The following SCARA3 variants were observed in gnomAD, a reference collection of about 807,000 sequenced individuals.
SCARA3 encodes scavenger receptor class A member 3, also known as cellular stress response gene protein.
SCARA3 carries 39 observed loss-of-function variants against 47.0 expected under a neutral mutation model. That is an observed-to-expected ratio of 0.83 (90% confidence interval 0.64 to 1.08). The LOEUF is 1.08. SCARA3 is among the 50% of genes least tolerant of loss of function. The pLI, the probability that SCARA3 is intolerant of heterozygous loss-of-function variation, is 0.00. For synonymous variants in SCARA3, 356 were observed against 334.1 expected, an observed-to-expected ratio of 1.07 and a Z score of -0.71; for missense variants, 724 against 792.3, an observed-to-expected ratio of 0.91 and a Z score of 1.04.
chr8:27,717,290 A>G, the SCARA3 span, among the ~76,000 whole-genome samples: 1 of 152,196 alleles, frequency 6.6e-6, no homozygotes, highest in African/African-American at 2.4e-5. Flanking sequence ...AGATGTGGGT[A>G]TAGCTATAGA....
chr8:27,696,608 C>T, the SCARA3 span, among the ~76,000 whole-genome samples: 1 of 130,214 alleles, frequency 7.7e-6, no homozygotes, highest in Non-Finnish European at 1.6e-5. Context: ...TACCAACACA[C>T]CTGGCTAATT....
At chr8:27,664,183 G>A (rs140346691) in intron 5 of SCARA3, among the ~76,000 whole-genome samples, 3 of 152,260 alleles carry the variant, frequency 2.0e-5, no homozygotes, top group African/African-American at 4.8e-5. Context: ...CCTAAAATAC[G>A]TATGTGCACG....
chr8:27,711,787 A>G, the SCARA3 span, among the ~76,000 whole-genome samples: 1 of 152,120 alleles, frequency 6.6e-6, no homozygotes, highest in Admixed American at 6.5e-5. Context: ...TCACAGCAAA[A>G]TTTAGAGGAA....
At chr8:27,640,257 C>T (rs560576883) in intron 1 of SCARA3, among the ~76,000 whole-genome samples, 18 of 152,162 alleles carry the variant, frequency 1.2e-4, no homozygotes, top group East Asian at 1.9e-4. Context: ...CATTCACTCA[C>T]GTGAACTCCT....
downstream of SCARA3, among the ~76,000 whole-genome samples, chr8:27,677,252 T>C (rs1802292161): frequency 6.6e-6 from 1 of 152,020 alleles, no homozygotes; most frequent in South Asian, 2.1e-4. Flanking sequence ...CACAGAGAAG[T>C]GGAGCCCAAA....
chr8:27,649,929 C>T (rs1563404668), intron 2 of SCARA3, 129 bp downstream of exon 2: 1 of 735,328 alleles, frequency 1.4e-6, no homozygotes, highest in African/African-American at 1.8e-5. Context: ...CCCACTGCTT[C>T]CTGGATGGTG....
rs1262448276 is a variant in SCARA3 at position 27,671,574 on chromosome 8, ACACATGCACACATACACG to A, written c.*241_*258del. ...TGCACATGCACACACATGCATGCAC[ACACATGCACACATACACG>A]CACATGCACACATACACATGCATGC... On this transcript the variant is annotated 3_prime_UTR_variant, in exon 6 of 6. Coordinates refer to ENST00000301904, the MANE Select transcript of SCARA3 (RefSeq NM_016240.3). 136 of 1,261,008 alleles carry A rather than the reference ACACATGCACACATACACG, an allele frequency of 1.1e-4. 1 individual carries two copies. The highest frequency in any genetic ancestry group is 1.2e-4 in the Non-Finnish European group (121 of 1,005,604). 78.1% of individuals were successfully genotyped at this position (1,261,008 alleles called of 1,614,324 possible). A position where few individuals can be genotyped will look rare whatever the true frequency, so the allele number is the denominator to read the frequency against.
At chr8:27,685,956 A>G in the SCARA3 span, among the ~76,000 whole-genome samples, 3 of 152,224 alleles carry the variant, frequency 2.0e-5, no homozygotes, top group Non-Finnish European at 4.4e-5. Context: ...AGGATGTTAA[A>G]GATTAAAAGA....
rs141129152 is a variant in SCARA3 at position 27,658,876 on chromosome 8, G to A, written c.706G>A (p.Gly236Arg). The change falls in exon 5 of 6, where the codon GGG becomes AGG. Residue 236 changes from glycine to arginine, a missense_variant. Coordinates refer to ENST00000301904, the MANE Select transcript of SCARA3 (RefSeq NM_016240.3). The part of the protein sequence containing the change: ...TVGQTSEWIH[G>R]IQRKTDEETL... ...GGGGCAGACTTCCGAGTGGATCCAC[G>A]GGATCCAGCGGAAGACAGACGAGGA... The A allele has an allele frequency of 2.8e-5, 45 of 1,614,006 alleles. No homozygotes were observed. The highest frequency in any genetic ancestry group is 3.2e-5 in the Non-Finnish European group (38 of 1,180,032).
intron 5 of SCARA3, among the ~76,000 whole-genome samples, chr8:27,667,364 C>T (rs531205): frequency 0.2 from 29,717 of 152,198 alleles, 3,396 homozygotes; most frequent in Middle Eastern, 0.34. Context: ...CCCCAAAGCA[C>T]TCTTTAGAAA....
the SCARA3 span, among the ~76,000 whole-genome samples, chr8:27,691,892 G>T: frequency 6.6e-6 from 1 of 152,024 alleles, no homozygotes; most frequent in Admixed American, 6.6e-5. Context: ...ATTCCAATAA[G>T]ACAACGCCAG....
chr8:27,656,379 G>A (rs1402804112), intron 3 of SCARA3, among the ~76,000 whole-genome samples: 1 of 152,152 alleles, frequency 6.6e-6, no homozygotes, highest in African/African-American at 2.4e-5. Context: ...ATCCCCTGCA[G>A]GTAAGAGGGG....
At chr8:27,635,542 G>A (rs922220815) in intron 1 of SCARA3, among the ~76,000 whole-genome samples, 4 of 152,072 alleles carry the variant, frequency 2.6e-5, no homozygotes, top group African/African-American at 4.8e-5. Context: ...TCAAACTTCT[G>A]GGCTCAAGTG....
Position 27,672,686 on chromosome 8 carries a change from C to A in SCARA3, c.*1335C>A. 9 of 985,724 alleles carry A rather than the reference C, an allele frequency of 9.1e-6. No individual in the cohort carries two copies. Among genetic ancestry groups the A allele is most frequent in the Non-Finnish European group, 1.1e-5 (9 of 830,158 alleles). 61.1% of individuals were successfully genotyped at this position (985,724 alleles called of 1,614,324 possible). On this transcript the variant is annotated 3_prime_UTR_variant, in exon 6 of 6. Transcript: ENST00000301904. ...CTCCTTGGCACCCACCAACTTCCTG[C>A]ACACACTGGCAGAGAGGGGCGCTGG...
chr8:27,710,378 G>A, the SCARA3 span, among the ~76,000 whole-genome samples: 2,593 of 152,046 alleles, frequency 0.017, 79 homozygotes, highest in African/African-American at 0.06. Flanking sequence ...CCATACATTC[G>A]CATATTATTT....
At chr8:27,656,033 G>A (rs1265048544) in intron 3 of SCARA3, among the ~76,000 whole-genome samples, 2 of 152,130 alleles carry the variant, frequency 1.3e-5, no homozygotes, top group Non-Finnish European at 2.9e-5. Context: ...ATATGGTCAA[G>A]GTCAGTAGTA....
chr8:27,640,587 C>G (rs1174603592), intron 1 of SCARA3, among the ~76,000 whole-genome samples: 4 of 151,400 alleles, frequency 2.6e-5, no homozygotes, highest in African/African-American at 4.9e-5. Flanking sequence ...GCTATGTTGC[C>G]CAGGCTGGTC....
At chr8:27,719,337 C>T in the SCARA3 span, among the ~76,000 whole-genome samples, 100 of 152,094 alleles carry the variant, frequency 6.6e-4, no homozygotes, top group African/African-American at 2.2e-3. Flanking sequence ...AATGAGAACA[C>T]GTGGACGCAT....
chr8:27,648,791 A>G (rs199922648), intron 1 of SCARA3, among the ~76,000 whole-genome samples: 1 of 101,938 alleles, frequency 9.8e-6, no homozygotes, highest in Non-Finnish European at 2.5e-5. Flanking sequence ...GAAAGAGATA[A>G]AGAGAGAGGG....
Sources: allele counts gnomAD v4.1 joint callset (sites outside exome capture counted in the v4.1 genomes callset), GRCh38; gene constraint gnomAD v4.1.1; transcripts MANE v1.5; gene names NCBI Gene and HGNC (gene_info 2026-07-23, HGNC 2026-07-21).